The following THEMIS variants were observed in gnomAD, a reference collection of about 807,000 sequenced individuals.
The protein encoded by THEMIS is protein THEMIS.
THEMIS carries 37 observed loss-of-function variants against 52.6 expected under a neutral mutation model. The ratio of observed to expected loss-of-function variants is 0.70; its 90% confidence interval spans 0.54 to 0.93. The LOEUF (loss-of-function observed/expected upper bound fraction) is 0.93. Ranked by LOEUF, THEMIS falls within the 40% of genes least tolerant of loss-of-function variation. The pLI, the probability that THEMIS is intolerant of heterozygous loss-of-function variation, is 0.00. For synonymous variants in THEMIS, 292 were observed against 272.7 expected (o/e 1.07, Z -0.70); for missense variants, 808 against 763.1 (o/e 1.06, Z -0.69).
chr6:127,787,896 G>GATAGAT (rs1562258135), intron 4 of THEMIS, among the ~76,000 whole-genome samples: 11 of 142,232 alleles, frequency 7.7e-5, no homozygotes, highest in Non-Finnish European at 1.6e-4. Context: ...TAGATAGATA[G>GATAGAT]ATAGATAGAT....
intron 4 of THEMIS, among the ~76,000 whole-genome samples, chr6:127,725,249 C>T (rs1182589227): frequency 6.6e-6 from 1 of 152,078 alleles, no homozygotes; most frequent in African/African-American, 2.4e-5. Flanking sequence ...GAGAAGAAAT[C>T]TCTCATTAAC....
chr6:127,879,307 C>CT (rs1471299033), intron 1 of THEMIS, among the ~76,000 whole-genome samples: 8 of 152,008 alleles, frequency 5.3e-5, no homozygotes, highest in African/African-American at 1.9e-4. Flanking sequence ...GAGGCTTGGA[C>CT]TTTTTTGAGA....
intron 4 of THEMIS, among the ~76,000 whole-genome samples, chr6:127,740,783 T>C (rs9491857): frequency 6.3e-4 from 96 of 152,332 alleles, no homozygotes; most frequent in African/African-American, 2.2e-3. Context: ...CTCCGCTATA[T>C]AAACTATAAA....
chr6:127,728,517 T>C (rs770735867), intron 4 of THEMIS, among the ~76,000 whole-genome samples: 17 of 152,224 alleles, frequency 1.1e-4, no homozygotes, highest in Non-Finnish European at 2.1e-4. Flanking sequence ...TTACTAGCTT[T>C]CAAATATTAA....
At chr6:127,814,889 T>C (rs945359169) in intron 3 of THEMIS, among the ~76,000 whole-genome samples, 2 of 152,178 alleles carry the variant, frequency 1.3e-5, no homozygotes, top group African/African-American at 4.8e-5. Context: ...AGGCACTGTG[T>C]CTTATGCCTG....
intron 2 of THEMIS, among the ~76,000 whole-genome samples, chr6:127,836,379 C>A (rs1158559339): frequency 6.6e-6 from 1 of 152,112 alleles, no homozygotes; most frequent in Admixed American, 6.5e-5. Flanking sequence ...AGCAGCAATT[C>A]TTCTATAACT....
intron 4 of THEMIS, among the ~76,000 whole-genome samples, chr6:127,728,477 G>T (rs889967515): frequency 1.3e-5 from 2 of 152,234 alleles, no homozygotes; most frequent in African/African-American, 4.8e-5. Context: ...TGTAACACTT[G>T]CTTTGCACAT....
chr6:127,787,405 A>G (rs1776988543), intron 4 of THEMIS, among the ~76,000 whole-genome samples: 1 of 152,130 alleles, frequency 6.6e-6, no homozygotes, highest in African/African-American at 2.4e-5. Context: ...GCCAAGATGA[A>G]TCTAGTCTGC....
At chr6:127,837,692 T>C (rs1778917319) in intron 2 of THEMIS, among the ~76,000 whole-genome samples, 1 of 152,086 alleles carries the variant, frequency 6.6e-6, no homozygotes, top group African/African-American at 2.4e-5. Context: ...AAATCACTCA[T>C]TCTCACTGGA....
chr6:127,724,539 A>T (rs1774471334), intron 4 of THEMIS, among the ~76,000 whole-genome samples: 1 of 152,108 alleles, frequency 6.6e-6, no homozygotes, highest in Admixed American at 6.6e-5. Flanking sequence ...GAACATAGAT[A>T]AATTTGAACT....
upstream of THEMIS, among the ~76,000 whole-genome samples, chr6:127,905,208 A>G (rs1337067065): frequency 2.6e-5 from 4 of 152,048 alleles, no homozygotes; most frequent in Non-Finnish European, 5.9e-5. Flanking sequence ...TCATACTAAA[A>G]CGTTAAAAAG....
At chr6:127,773,464 T>A (rs1776453981) in intron 4 of THEMIS, among the ~76,000 whole-genome samples, 1 of 152,250 alleles carries the variant, frequency 6.6e-6, no homozygotes, top group Non-Finnish European at 1.5e-5. Flanking sequence ...AAAAGTACTT[T>A]ATGTATTTAA....
intron 2 of THEMIS, among the ~76,000 whole-genome samples, chr6:127,843,936 C>T (rs1053125794): frequency 2.6e-5 from 4 of 151,976 alleles, no homozygotes; most frequent in African/African-American, 9.7e-5. Context: ...ACTCCATTCC[C>T]TGCCTACGGC....
chr6:127,873,349 G>A (rs1583381065), intron 1 of THEMIS, among the ~76,000 whole-genome samples: 1 of 151,900 alleles, frequency 6.6e-6, no homozygotes, highest in East Asian at 1.9e-4. Context: ...TTTCGTAAAA[G>A]AAGACCAAAG....
At chr6:127,876,894 G>A (rs1442481370) in intron 1 of THEMIS, among the ~76,000 whole-genome samples, 1 of 152,024 alleles carries the variant, frequency 6.6e-6, no homozygotes, top group Non-Finnish European at 1.5e-5. Flanking sequence ...AATACATCTA[G>A]GCATATCTCA....
At chr6:127,848,495 G>A (rs573559510) in intron 2 of THEMIS, among the ~76,000 whole-genome samples, 77 of 151,906 alleles carry the variant, frequency 5.1e-4, no homozygotes, top group Non-Finnish European at 9.3e-4. Context: ...CTGAAGAATC[G>A]CCACACTGTC....
At chr6:127,847,095 A>G (rs1430935656) in intron 2 of THEMIS, among the ~76,000 whole-genome samples, 1 of 152,020 alleles carries the variant, frequency 6.6e-6, no homozygotes, top group Non-Finnish European at 1.5e-5. Context: ...TCTTTATGAT[A>G]GAAACGCTCA....
At chr6:127,757,872 T>TAG (rs1425452888) in intron 4 of THEMIS, among the ~76,000 whole-genome samples, 2 of 152,034 alleles carry the variant, frequency 1.3e-5, no homozygotes, top group Non-Finnish European at 2.9e-5. Context: ...AATTACCTGG[T>TAG]AGAGAGCGAT....
intron 4 of THEMIS, among the ~76,000 whole-genome samples, chr6:127,722,747 T>C (rs1466491097): frequency 6.6e-6 from 1 of 152,048 alleles, no homozygotes; most frequent in African/African-American, 2.4e-5. Flanking sequence ...TTGATATTCC[T>C]GTCGTCTAAC....
Sources: gnomAD v4.1 joint callset for allele counts (sites outside exome capture counted in the v4.1 genomes callset) on GRCh38, gnomAD v4.1.1 for gene constraint, MANE v1.5 for transcripts, NCBI Gene and HGNC (gene_info 2026-07-23, HGNC 2026-07-21) for gene names.